The following HEATR4 variants were observed in gnomAD, a reference collection of about 807,000 sequenced individuals.
HEATR4 encodes the protein HEAT repeat containing 4.
Under a neutral mutation model 108.8 loss-of-function variants are expected in HEATR4, and 95 were observed. The observed-to-expected ratio is 0.87, with a 90% confidence interval of 0.74 to 1.04. The LOEUF is 1.04. HEATR4 is among the 50% of genes least tolerant of loss of function. The pLI is 0.00. For missense variants in HEATR4, 1,152 were observed against 1,253.8 expected (o/e 0.92, Z 1.23); for synonymous variants, 443 against 459.4 (o/e 0.96, Z 0.46).
intron 2 of HEATR4, among the ~76,000 whole-genome samples, chr14:73,528,166 G>A (rs1888459171): frequency 6.6e-6 from 1 of 151,480 alleles, no homozygotes; most frequent in Non-Finnish European, 1.5e-5. Context: ...AGGCTGAGGT[G>A]GGCAGATCAC....
chr14:73,491,537 A>C lies in HEATR4; in HGVS notation c.2844+1529T>G. 3 of 1,530,554 alleles carry C rather than the reference A, an allele frequency of 2.0e-6. No individual in the cohort carries two copies. The South Asian group carries it at 3.6e-5, about 19-fold the overall frequency. The allele number at this position is 1,530,554 out of a possible 1,614,324, so 94.8% of individuals were successfully genotyped here. On this transcript the variant is annotated intron_variant, in intron 17 of 17. Transcript: ENST00000553558. ...GACGGCGTCGGGGCCGCAGGTGGAT[A>C]ACACGGGTGGGGAGCCGGCCTGGGA... is the stretch of plus-strand genomic sequence containing the variant.
chr14:73,517,029 C>T (rs777098655), intron 5 of HEATR4, among the ~76,000 whole-genome samples: 1 of 152,196 alleles, frequency 6.6e-6, no homozygotes, highest in African/African-American at 2.4e-5. Flanking sequence ...ATAATCCCAG[C>T]ACTTTGTTTG....
Position 73,550,595 on chromosome 14 carries a change from G to C in HEATR4, c.-152+8156C>G, listed in dbSNP as rs140322790. Among the ~76,000 whole-genome samples the C allele has an allele frequency of 4.7e-3, 518 of 110,786 alleles. 73 individuals carry two copies. The highest frequency in any genetic ancestry group is 0.015 in the African/African-American group (489 of 33,662). The allele number at this position is 110,786 out of a possible 152,430, so 72.7% of individuals were successfully genotyped here. ...TAATCATGTAAGACTCCCATAAAGGGAGTCTCCCTACTGCCAGTCTCTGCT... is the reference window on the plus strand; with the variant it reads ...TAATCATGTAAGACTCCCATAAAGGCAGTCTCCCTACTGCCAGTCTCTGCT... On this transcript the variant is annotated intron_variant, in intron 1 of 17. Transcript: ENST00000553558.
the HEATR4 span, among the ~76,000 whole-genome samples, chr14:73,597,085 TA>T: frequency 2.6e-5 from 4 of 151,568 alleles, no homozygotes; most frequent in South Asian, 8.3e-4. Flanking sequence ...TTTATTTATT[TA>T]TTTATTTATT....
chr14:73,630,924 T>C, the HEATR4 span, among the ~76,000 whole-genome samples: 1 of 152,108 alleles, frequency 6.6e-6, no homozygotes, highest in Non-Finnish European at 1.5e-5. Context: ...CCCAACAATA[T>C]TTATGGCGAA....
At chr14:73,511,318 G>C (rs2054277501) in intron 7 of HEATR4, among the ~76,000 whole-genome samples, 1 of 151,698 alleles carries the variant, frequency 6.6e-6, no homozygotes, top group South Asian at 2.1e-4. Flanking sequence ...TTCAAGACCA[G>C]CCTGGCCAAC....
At chr14:73,574,970 G>A in the HEATR4 span, 2 of 1,605,712 alleles carry the variant, frequency 1.2e-6, no homozygotes, top group East Asian at 4.5e-5. Context: ...GCCTTTCCAT[G>A]GCCTCTTTCC....
the HEATR4 span, among the ~76,000 whole-genome samples, chr14:73,622,479 C>T: frequency 1.3e-5 from 2 of 151,936 alleles, no homozygotes; most frequent in African/African-American, 4.8e-5. Context: ...CTCGGCTCAC[C>T]GCAACCTCTG....
At chr14:73,605,514 AAATCATGGTTTAGG>A in the HEATR4 span, among the ~76,000 whole-genome samples, 1 of 150,802 alleles carries the variant, frequency 6.6e-6, no homozygotes, top group Non-Finnish European at 1.5e-5. Context: ...ACAAGATTAG[AAATCATGGTTTAGG>A]AATCATGCAG....
At chr14:73,537,935 CTGTGTG>C in intron 1 of HEATR4, 2 of 1,094,342 alleles carry the variant, frequency 1.8e-6, no homozygotes, top group South Asian at 1.8e-5. Flanking sequence ...GCGCTTTCCA[CTGTGTG>C]TGTGTGTGTG....
Position 73,541,629 on chromosome 14 carries a change from G to C in HEATR4, c.-151-11385C>G, listed in dbSNP as rs1382341729. ...ACTATAACTATGAAGACCTCCCCAA[G>C]ACCATGGAGACGCTCCATCTGGAGT... On this transcript the variant is annotated intron_variant, in intron 1 of 17. Transcript: ENST00000553558. The C allele has an allele frequency of 4.8e-6, 6 of 1,243,400 alleles. 1 individual carries two copies. In the Admixed American group the frequency reaches 1.5e-4, roughly 30 times the overall value. The allele number at this position is 1,243,400 out of a possible 1,614,324, so 77.0% of individuals were successfully genotyped here. A position where few individuals can be genotyped will look rare whatever the true frequency, so the allele number is the denominator to read the frequency against.
At chr14:73,586,036 C>T in the HEATR4 span, among the ~76,000 whole-genome samples, 2 of 141,564 alleles carry the variant, frequency 1.4e-5, no homozygotes, top group South Asian at 2.2e-4. Context: ...AAAAAAAAAA[C>T]GTAAACTGCC....
At position 73,555,739 on chromosome 14, in the gene HEATR4, C is replaced by T. The variant is rs1223240237; in HGVS notation, c.-152+3012G>A. Among the ~76,000 whole-genome samples, 7 of 115,644 alleles carry T rather than the reference C, an allele frequency of 6.1e-5. 1 individual carries two copies. Among genetic ancestry groups the T allele is most frequent in the South Asian group, 2.7e-4 (1 of 3,674 alleles). 75.9% of individuals were successfully genotyped at this position (115,644 alleles called of 152,430 possible). On this transcript the variant is annotated intron_variant, in intron 1 of 17. Coordinates refer to ENST00000553558, the MANE Select transcript of HEATR4 (RefSeq NM_001220484.1). ...AGTGATTGGCTAGGTGGGTGGCTCA[C>T]GCCTGTAATCCCAGCACTTTGGGAG...
intron 17 of HEATR4, chr14:73,491,867 G>C (rs1230640613): frequency 3.7e-6 from 6 of 1,610,586 alleles, no homozygotes; most frequent in East Asian, 2.2e-5. Flanking sequence ...CGCGCTGCCC[G>C]CCGCCGCGTG....
At chr14:73,587,102 T>C in the HEATR4 span, among the ~76,000 whole-genome samples, 1 of 146,038 alleles carries the variant, frequency 6.8e-6, no homozygotes, top group Non-Finnish European at 1.5e-5. Context: ...CTCCCTAATA[T>C]AGAAAAATTA....
At chr14:73,480,940 C>CG (rs1885227018) in intron 17 of HEATR4, 1 of 151,642 alleles carries the variant, frequency 6.6e-6, no homozygotes, top group Non-Finnish European at 1.5e-5. Flanking sequence ...CGATTGAACC[C>CG]GGGGGTCAGA....
the HEATR4 span, chr14:73,611,002 C>T: frequency 6.6e-6 from 1 of 152,170 alleles, no homozygotes. Flanking sequence ...GACTGGTTTC[C>T]AATGATTCTT....
At chr14:73,518,923 C>T (rs373189139) in intron 5 of HEATR4, 100 bp downstream of exon 5, 1 of 1,193,254 alleles carries the variant, frequency 8.4e-7, no homozygotes, top group Non-Finnish European at 1.2e-6. Flanking sequence ...GTGCTTCAGC[C>T]CATGAACTGG....
chr14:73,485,334 A>G (rs1885410518), intron 17 of HEATR4, among the ~76,000 whole-genome samples: 1 of 152,100 alleles, frequency 6.6e-6, no homozygotes, highest in Non-Finnish European at 1.5e-5. Context: ...TAGATATTTG[A>G]GTAATTTCCA....
Sources: allele counts gnomAD v4.1 joint callset (sites outside exome capture counted in the v4.1 genomes callset), GRCh38; gene constraint gnomAD v4.1.1; transcripts MANE v1.5; gene names NCBI Gene and HGNC (gene_info 2026-07-23, HGNC 2026-07-21).